Variants in CLDN10 observed in about 807,000 individuals in gnomAD.
CLDN10 encodes claudin-10.
Under a neutral mutation model 22.9 loss-of-function variants are expected in CLDN10, and 15 were observed. The observed-to-expected ratio is 0.65, with a 90% CI of 0.44 to 1.01. The LOEUF (loss-of-function observed/expected upper bound fraction) is 1.01. Ranked by LOEUF, CLDN10 falls within the 50% of genes least tolerant of loss-of-function variation. The pLI, the probability that CLDN10 is intolerant of heterozygous loss-of-function variation, is 0.00. For synonymous variants in CLDN10, 114 were observed against 111.4 expected, an observed-to-expected ratio of 1.02 and a Z score of -0.15; for missense variants, 247 against 287.8, an observed-to-expected ratio of 0.86 and a Z score of 1.03.
At chr13:95,529,568 C>T (rs2043319424) in intron 1 of CLDN10, among the ~76,000 whole-genome samples, 1 of 152,076 alleles carries the variant, frequency 6.6e-6, no homozygotes, top group Admixed American at 6.5e-5. Context: ...ATAATTTAGT[C>T]ACCTGGCTTT....
At chr13:95,508,341 T>C (rs2043059605) in intron 1 of CLDN10, among the ~76,000 whole-genome samples, 1 of 152,148 alleles carries the variant, frequency 6.6e-6, no homozygotes, top group African/African-American at 2.4e-5. Context: ...TCTAAGAATG[T>C]TTCATCTTTG....
chr13:95,447,597 A>G (rs1355565431), intron 1 of CLDN10, among the ~76,000 whole-genome samples: 1 of 152,008 alleles, frequency 6.6e-6, no homozygotes, highest in African/African-American at 2.4e-5. Context: ...GATCTGCCTG[A>G]TCCCCAGGGC....
At chr13:95,467,928 C>G (rs2042595592) in intron 1 of CLDN10, among the ~76,000 whole-genome samples, 1 of 152,198 alleles carries the variant, frequency 6.6e-6, no homozygotes, top group Non-Finnish European at 1.5e-5. Flanking sequence ...GGGAAGAATT[C>G]TCTCTTAGTT....
intron 1 of CLDN10, among the ~76,000 whole-genome samples, chr13:95,470,427 T>TA (rs1170111592): frequency 2.6e-5 from 4 of 152,186 alleles, no homozygotes; most frequent in Non-Finnish European, 5.9e-5. Context: ...GAGAGACCTG[T>TA]ATTCTATAAT....
intron 1 of CLDN10, among the ~76,000 whole-genome samples, chr13:95,514,398 C>G (rs1398992468): frequency 6.7e-6 from 1 of 149,772 alleles, no homozygotes; most frequent in African/African-American, 2.5e-5. Flanking sequence ...CCTACCCCAC[C>G]CACCCCACCC....
intron 1 of CLDN10, 122 bp downstream of exon 1, chr13:95,553,095 C>T (rs1485893240): frequency 3.0e-6 from 4 of 1,343,290 alleles, no homozygotes; most frequent in African/African-American, 1.4e-5. Flanking sequence ...AGGCCCGACC[C>T]GTCTCTCCCA....
intron 1 of CLDN10, chr13:95,434,152 TG>T (rs2042240357): frequency 1.0e-6 from 1 of 992,412 alleles, no homozygotes. Flanking sequence ...GAAGACTGAG[TG>T]CTTAATCAAA....
At chr13:95,467,022 G>A (rs1021097018) in intron 1 of CLDN10, among the ~76,000 whole-genome samples, 16 of 142,128 alleles carry the variant, frequency 1.1e-4, no homozygotes, top group African/African-American at 1.6e-4. Flanking sequence ...GACTACAGGC[G>A]CCTGCCACCA....
intron 1 of CLDN10, among the ~76,000 whole-genome samples, chr13:95,458,271 G>A (rs1485993429): frequency 1.3e-5 from 2 of 152,156 alleles, no homozygotes; most frequent in Non-Finnish European, 1.5e-5. Context: ...AATAGCCTCC[G>A]TGTTTTTGTT....
intron 1 of CLDN10, among the ~76,000 whole-genome samples, chr13:95,556,698 TC>T (rs2043644015): frequency 6.6e-6 from 1 of 152,162 alleles, no homozygotes; most frequent in African/African-American, 2.4e-5. Context: ...AACTCAGAGT[TC>T]CTGCCCTCCC....
At chr13:95,565,180 T>C (rs1413439584) in intron 3 of CLDN10, among the ~76,000 whole-genome samples, 1 of 152,118 alleles carries the variant, frequency 6.6e-6, no homozygotes, top group East Asian at 1.9e-4. Context: ...CTCCTTAGCA[T>C]GATTCACCAT....
At chr13:95,500,538 G>A (rs902201218) in intron 1 of CLDN10, among the ~76,000 whole-genome samples, 2 of 152,192 alleles carry the variant, frequency 1.3e-5, no homozygotes, top group Non-Finnish European at 2.9e-5. Flanking sequence ...TGCACAGCTT[G>A]TAGCTGAGTA....
chr13:95,485,119 G>A (rs2042792021), intron 1 of CLDN10, among the ~76,000 whole-genome samples: 1 of 140,544 alleles, frequency 7.1e-6, no homozygotes. Flanking sequence ...AGCCACGTGG[G>A]GGTTGCAGCT....
intron 1 of CLDN10, among the ~76,000 whole-genome samples, chr13:95,507,504 G>T (rs990178207): frequency 2.4e-4 from 37 of 152,086 alleles, no homozygotes; most frequent in Non-Finnish European, 1.0e-4. Flanking sequence ...ACGATGTGGG[G>T]TCAGGTGCGG....
At chr13:95,459,253 G>A (rs569862888) in intron 1 of CLDN10, among the ~76,000 whole-genome samples, 14 of 152,164 alleles carry the variant, frequency 9.2e-5, no homozygotes, top group Non-Finnish European at 1.9e-4. Flanking sequence ...CTACCATTAT[G>A]GGGTCTGGAG....
At chr13:95,496,130 A>T (rs893181491) in intron 1 of CLDN10, among the ~76,000 whole-genome samples, 75 of 152,294 alleles carry the variant, frequency 4.9e-4, no homozygotes, top group African/African-American at 1.8e-3. Flanking sequence ...CTGTGTCTGC[A>T]TTCTTCTCTC....
At chr13:95,481,069 C>A (rs1187827534) in intron 1 of CLDN10, among the ~76,000 whole-genome samples, 1 of 152,110 alleles carries the variant, frequency 6.6e-6, no homozygotes, top group Non-Finnish European at 1.5e-5. Context: ...CTCCGTCCAC[C>A]CTGTAACAGC....
At chr13:95,559,914 T>G (rs2043683004) in intron 1 of CLDN10, among the ~76,000 whole-genome samples, 1 of 152,232 alleles carries the variant, frequency 6.6e-6, no homozygotes. Flanking sequence ...AGATCTATCC[T>G]GAGGATTCCC....
At chr13:95,434,379 T>G (rs1486790940) in intron 1 of CLDN10, among the ~76,000 whole-genome samples, 1 of 151,888 alleles carries the variant, frequency 6.6e-6, no homozygotes, top group Non-Finnish European at 1.5e-5. Flanking sequence ...TCAGCACCCC[T>G]ATGTAGGAAA....
Sources: allele counts gnomAD v4.1 joint callset (sites outside exome capture counted in the v4.1 genomes callset), GRCh38; gene constraint gnomAD v4.1.1; transcripts MANE v1.5; gene names NCBI Gene and HGNC (gene_info 2026-07-23, HGNC 2026-07-21).